Variants in PCDHGA7 observed in about 807,000 individuals in gnomAD.
PCDHGA7 encodes protocadherin gamma-A7.
A neutral mutation model predicts 58.3 loss-of-function variants in PCDHGA7; 44 were observed. The observed-to-expected ratio is 0.75, with a 90% CI of 0.59 to 0.97. The LOEUF (loss-of-function observed/expected upper bound fraction) is 0.97. PCDHGA7 is among the 50% of genes least tolerant of loss of function. The pLI is 0.00. For synonymous variants in PCDHGA7, 516 were observed against 504.2 expected (o/e 1.02, Z -0.31); for missense variants, 1,266 against 1,188.7 (o/e 1.06, Z -0.96).
chr5:141,423,374 G>T (rs1356564295), intron 1 of PCDHGA7: 2 of 1,614,188 alleles, frequency 1.2e-6, no homozygotes, highest in Admixed American at 1.7e-5. Context: ...CTGGCACTCA[G>T]GCTGTGGCGC....
At chr5:141,419,918 G>C (rs370039875) in intron 1 of PCDHGA7, 30 of 1,613,978 alleles carry the variant, frequency 1.9e-5, no homozygotes, top group Non-Finnish European at 2.5e-5. Flanking sequence ...CTCCCAGGCT[G>C]AGATGCAGTT....
Position 141,423,412 on chromosome 5 carries a change from T to C in PCDHGA7, c.2424+38089T>C, listed in dbSNP as rs754410783. 4 of 1,614,166 alleles carry C rather than the reference T, an allele frequency of 2.5e-6. No individual in the cohort carries two copies. The Admixed American group carries it at 6.7e-5, about 27-fold the overall frequency. The stretch of plus-strand genomic sequence containing the variant: ...GCATAAGTCACGCCTGCTGCAGGCT[T>C]CTGAAGGCGGGTTGGCAGGTATGCC... On this transcript the variant is annotated intron_variant, in intron 1 of 3. Coordinates refer to ENST00000518325, the MANE Select transcript of PCDHGA7 (RefSeq NM_018920.4).
rs754537015 is a variant in PCDHGA7 at position 141,431,184 on chromosome 5, T to C, written c.2424+45861T>C. The C allele has an allele frequency of 2.5e-6, 4 of 1,614,090 alleles. No individual in the cohort carries two copies. In the South Asian group the frequency reaches 3.3e-5, roughly 13 times the overall value. ...CGTGAAAGTGAATTAGAAATAAAAATTAGTGAAAATGCAGCCACTGAGATG... is the reference window on the plus strand; with the variant it reads ...CGTGAAAGTGAATTAGAAATAAAAACTAGTGAAAATGCAGCCACTGAGATG... On this transcript the variant is annotated intron_variant, in intron 1 of 3. Coordinates refer to ENST00000518325, the MANE Select transcript of PCDHGA7 (RefSeq NM_018920.4). This position sits in a 1 kb window ranked among gnomAD's most constrained non-coding sequence, Gnocchi z 4.8.
intron 2 of PCDHGA7, among the ~76,000 whole-genome samples, chr5:141,496,888 TAA>T (rs35063790): frequency 6.7e-5 from 9 of 134,018 alleles, no homozygotes; most frequent in Non-Finnish European, 4.9e-5. Flanking sequence ...AAGTAACACT[TAA>T]AAAAAAAAAA....
chr5:141,502,784 G>C (rs185608958), intron 2 of PCDHGA7, among the ~76,000 whole-genome samples: 1 of 151,804 alleles, frequency 6.6e-6, no homozygotes, highest in Non-Finnish European at 1.5e-5. Flanking sequence ...AAATTACCTG[G>C]ATGATTTCTT....
chr5:141,385,035 G>C lies in PCDHGA7; in HGVS notation c.2136G>C (p.Leu712=). ...CVFLAFVLVL[L]ALRLRRWHKS... The stretch of plus-strand genomic sequence containing the variant: ...TCCTAGCCTTCGTCCTCGTACTGCT[G>C]GCGCTCAGGCTGCGGCGCTGGCACA... Residue 712 remains leucine (L), a synonymous_variant, in exon 1 of 4, where the codon CTG becomes CTC. Transcript: ENST00000518325. 6.2e-7 allele frequency: 1 copy of C among 1,614,164 alleles called. No individual in the cohort carries two copies. Among genetic ancestry groups the C allele is most frequent in the East Asian group, 2.2e-5 (1 of 44,886 alleles).
intron 1 of PCDHGA7, chr5:141,423,427 G>A: frequency 1.2e-6 from 2 of 1,614,010 alleles, no homozygotes; most frequent in Non-Finnish European, 1.7e-6. Flanking sequence ...AGGCGGGTTG[G>A]CAGGTATGCC....
chr5:141,387,779 G>T, intron 1 of PCDHGA7: 1 of 1,458,032 alleles, frequency 6.9e-7, no homozygotes, highest in Admixed American at 2.6e-5. Flanking sequence ...TTCTTGAACT[G>T]GAACTGCAAC....
Position 141,422,964 on chromosome 5 carries a change from G to C in PCDHGA7, c.2424+37641G>C, listed in dbSNP as rs375881737. 1.0e-4 allele frequency: 161 copies of C among 1,614,190 alleles called. No individual in the cohort carries two copies. In the African/African-American group the frequency reaches 1.9e-3, roughly 20 times the overall value. ...ACGGCTCCACTGGCGTGGAGCTGGC[G>C]CCCCGCTCTGCGGAACCTGGCTACC... On this transcript the variant is annotated intron_variant, in intron 1 of 3. Coordinates refer to ENST00000518325, the MANE Select transcript of PCDHGA7 (RefSeq NM_018920.4).
intron 1 of PCDHGA7, chr5:141,419,467 C>T: frequency 6.2e-7 from 1 of 1,612,476 alleles, no homozygotes; most frequent in Non-Finnish European, 8.5e-7. Context: ...AGGCCCGCGA[C>T]CAGGGCTCGC....
intron 1 of PCDHGA7, chr5:141,478,602 T>C (rs2099466537): frequency 6.4e-7 from 1 of 1,563,560 alleles, no homozygotes; most frequent in Admixed American, 1.9e-5. Context: ...TCCTACATCA[T>C]ATTGAGGAAG....
chr5:141,393,137 C>T (rs777446564), intron 1 of PCDHGA7: 14 of 1,613,286 alleles, frequency 8.7e-6, no homozygotes, highest in South Asian at 2.2e-5. Context: ...ATATTAACAC[C>T]CTGGTTGAGG....
intron 1 of PCDHGA7, chr5:141,400,105 T>C (rs1282646842): frequency 6.2e-7 from 1 of 1,613,938 alleles, no homozygotes; most frequent in Non-Finnish European, 8.5e-7. Context: ...GCACTTGGTC[T>C]TTGCTGACAG....
intron 1 of PCDHGA7, chr5:141,410,576 C>T (rs533810160): frequency 8.7e-6 from 14 of 1,611,152 alleles, no homozygotes; most frequent in Non-Finnish European, 1.2e-5. Context: ...AATTCCACCT[C>T]ATGGTGGGGA....
rs17097251 is a variant in PCDHGA7 at position 141,383,615 on chromosome 5, C to T, written c.716C>T (p.Thr239Met). The change falls in exon 1 of 4, where the codon ACG becomes ATG. Residue 239 changes from threonine (T) to methionine (M), a missense_variant. Physicochemically the swap from Thr to Met is moderately conservative, Grantham distance 81. Coordinates refer to ENST00000518325, the MANE Select transcript of PCDHGA7 (RefSeq NM_018920.4). ...ACAGTGGTGGATGTGAATGACCACA[C>T]GCCTGTCTTCTCTCTGCCTCAGTAC... ...QVTVVDVNDH[T>M]PVFSLPQYQV... 8,353 of 1,613,802 alleles carry T rather than the reference C, an allele frequency of 5.2e-3. 355 individuals are homozygous for T. The African/African-American group carries it at 0.098, about 19-fold the overall frequency.
intron 1 of PCDHGA7, among the ~76,000 whole-genome samples, chr5:141,461,001 A>G (rs1309762345): frequency 4.0e-5 from 6 of 150,320 alleles, no homozygotes; most frequent in South Asian, 4.2e-4. Context: ...ATATATGTGT[A>G]TATATATATA....
intron 2 of PCDHGA7, among the ~76,000 whole-genome samples, chr5:141,505,050 T>C (rs1190927211): frequency 2.0e-5 from 3 of 152,130 alleles, no homozygotes; most frequent in Non-Finnish European, 4.4e-5. Context: ...TCATCCCAGC[T>C]ACTTGGGAGA....
intron 1 of PCDHGA7, among the ~76,000 whole-genome samples, chr5:141,439,635 C>T (rs1326926948): frequency 3.3e-5 from 5 of 152,274 alleles, no homozygotes; most frequent in Middle Eastern, 3.4e-3. Context: ...CCAGACATTC[C>T]GGCTTGGTGG....
chr5:141,466,612 C>T (rs141916895), intron 1 of PCDHGA7, among the ~76,000 whole-genome samples: 1 of 152,262 alleles, frequency 6.6e-6, no homozygotes, highest in East Asian at 1.9e-4. Flanking sequence ...TTGTAAACTG[C>T]CGTTTTCTTT....
Sources: gnomAD v4.1 joint callset for allele counts (sites outside exome capture counted in the v4.1 genomes callset) on GRCh38, gnomAD v4.1.1 for gene constraint, Gnocchi (gnomAD v3.1) non-coding constraint, MANE v1.5 for transcripts, NCBI Gene and HGNC (gene_info 2026-07-23, HGNC 2026-07-21) for gene names.